ABCA2: variants seen among roughly 807,000 people sequenced by gnomAD.
ABCA2 encodes the protein ATP binding cassette subfamily A member 2, also known as ATP-binding cassette sub-family A member 2.
In ABCA2, 84 loss-of-function variants were observed where a neutral mutation model predicts 262.8. The ratio of observed to expected loss-of-function variants is 0.32; its 90% CI spans 0.27 to 0.38. The LOEUF (loss-of-function observed/expected upper bound fraction) is 0.38, where lower values mean the gene tolerates loss of function less well. Among genes scored for constraint, ABCA2 ranks in the 10% least tolerant of loss-of-function variants. The pLI is 1.00. For missense variants in ABCA2, 2,662 were observed against 3,405.9 expected, an observed-to-expected ratio of 0.78 and a Z score of 5.44; for synonymous variants, 1,696 against 1,502.9, an observed-to-expected ratio of 1.13 and a Z score of -2.97.
At chr9:137,009,322 C>A (rs1222718919) in intron 45 of ABCA2, 48 bp downstream of exon 45, 3 of 1,170,462 alleles carry the variant, frequency 2.6e-6, no homozygotes, top group East Asian at 2.7e-5. Flanking sequence ...TGCCTGGCCG[C>A]CCCCCCCGGG....
At chr9:137,018,426 C>T (rs1333922954) in intron 13 of ABCA2, 75 bp from the exon 14 acceptor site, 4 of 43,956 alleles carry the variant, frequency 9.1e-5, no homozygotes, top group South Asian at 5.9e-4. Context: ...AAGCAAGGCA[C>T]GGGGGCGGGG....
rs1340697535 is a variant in ABCA2, at chr9:137,014,208, G to A, written c.4200C>T (p.Leu1400=). 6.2e-7 allele frequency: 1 copy of A among 1,609,586 alleles called. No homozygotes were observed. The highest frequency in any genetic ancestry group is 8.5e-7 in the Non-Finnish European group (1 of 1,178,482). ...TGTCTGGGTCCTGTGGGTTATCAAA[G>A]AGGGGGCGGTAGTCGCCATAGACGT... is the stretch of plus-strand genomic sequence containing the variant. ...YTDVYGDYRP[L]FDNPQDPDNV... The change falls in exon 27 of 49, where the codon CTC becomes CTT. Residue 1400 remains leucine, a synonymous_variant. Coordinates refer to ENST00000341511, the MANE Select transcript of ABCA2 (RefSeq NM_001606.5).
chr9:137,015,239 G>A (rs545434550), intron 24 of ABCA2, 142 bp from the exon 25 acceptor site: 43 of 1,208,374 alleles, frequency 3.6e-5, no homozygotes, highest in East Asian at 2.0e-4. Context: ...AGGGGGTGAC[G>A]CTGAGGACCC....
chr9:137,021,813 C>A lies in ABCA2; in HGVS notation c.678+78G>T. 7.1e-7 allele frequency: 1 copy of A among 1,407,170 alleles called. No individual in the cohort carries two copies. The highest frequency in any genetic ancestry group is 9.8e-7 in the Non-Finnish European group (1 of 1,018,408). The allele number at this position is 1,407,170 out of a possible 1,614,324, so 87.2% of individuals were successfully genotyped here. On this transcript the variant is annotated intron_variant, in intron 7 of 48. Transcript: ENST00000341511. This position sits in a 1 kb window ranked among gnomAD's most constrained non-coding sequence, Gnocchi z 6.0. The stretch of plus-strand genomic sequence containing the variant: ...GGAGCTCCAAGTCACCAAAGGGGCC[C>A]TTTCCTCACCCACGGAGCAGAAGCA...
At chr9:137,028,717 C>T (rs746114879), upstream of ABCA2, 40 of 1,257,826 alleles carry the variant, frequency 3.2e-5, no homozygotes, top group Admixed American at 3.3e-5. This position sits in a 1 kb window ranked among gnomAD's most constrained non-coding sequence, Gnocchi z 6.9. Context: ...TGGTGCCCAC[C>T]TGGAAGGGAG....
At chr9:137,018,619 G>A (rs1462272143) in intron 13 of ABCA2, 100 bp downstream of exon 13, 1 of 1,027,280 alleles carries the variant, frequency 9.7e-7, no homozygotes, top group Non-Finnish European at 1.4e-6. Flanking sequence ...GAAGGCCAGG[G>A]CGCGGCCAAG....
chr9:137,017,350 G>A lies in ABCA2; in HGVS notation c.2403-4C>T, dbSNP rs756803312. ...GTACAGCACAGACACCAGGAAGCTG[G>A]GTGGGCAGGGGCCACGCGCACCGTC... is the stretch of plus-strand genomic sequence containing the variant. On this transcript the variant is annotated splice_polypyrimidine_tract_variant and splice_region_variant and intron_variant, in intron 17 of 48. Coordinates refer to ENST00000341511, the MANE Select transcript of ABCA2 (RefSeq NM_001606.5). 2 of 1,612,308 alleles carry A rather than the reference G, an allele frequency of 1.2e-6. No individual in the cohort carries two copies. The highest frequency in any genetic ancestry group is 2.2e-5 in the South Asian group (2 of 91,074).
Position 137,016,409 on chromosome 9 carries a change from G to A in ABCA2, c.2986C>T (p.Leu996Phe), listed in dbSNP as rs1450818222. Residue 996 changes from leucine to phenylalanine, a missense_variant, in exon 21 of 49, where the codon CTC becomes TTC. Around this residue, in one of 12 missense-constraint regions of ABCA2, gnomAD observed 133 missense variants for 150.8 expected, o/e 0.88. Coordinates refer to ENST00000341511, the MANE Select transcript of ABCA2 (RefSeq NM_001606.5). ...HLPLVVCVDK[L>F]TKVYKDDKKL... ...TTGTCGTCCTTGTAGACCTTGGTGA[G>A]TTTGTCCACGCAGACAACCAGAGGC... is the stretch of plus-strand genomic sequence containing the variant. 1 of 1,612,882 alleles carries A rather than the reference G, an allele frequency of 6.2e-7. No homozygotes were observed. Among genetic ancestry groups the A allele is most frequent in the Admixed American group, 1.7e-5 (1 of 60,020 alleles).
Position 137,012,384 on chromosome 9 carries a change from AG to A in ABCA2, c.5188-9del, listed in dbSNP as rs747434287. 1.2e-6 allele frequency: 2 copies of A among 1,611,446 alleles called. No individual in the cohort carries two copies. Among genetic ancestry groups the A allele is most frequent in the Non-Finnish European group, 1.7e-6 (2 of 1,179,042 alleles). Reference sequence around the variant, plus strand: ...CTTGTTGTTGTAGAAAACCTGCAGAAGGAAGAGGACACAGAAAGGCCCCAGG... The same window carrying A: ...CTTGTTGTTGTAGAAAACCTGCAGAAGAAGAGGACACAGAAAGGCCCCAGG... On this transcript the variant is annotated splice_polypyrimidine_tract_variant and intron_variant, in intron 32 of 48. Transcript: ENST00000341511.
rs750539171 is a variant in ABCA2, at chr9:137,011,740, G to A, written c.5545C>T (p.Leu1849=). 4 of 1,551,600 alleles carry A rather than the reference G, an allele frequency of 2.6e-6. No homozygotes were observed. In the African/African-American group the frequency reaches 5.5e-5, roughly 21 times the overall value. The change falls in exon 36 of 49, where the codon CTG becomes TTG. Residue 1849 remains leucine, a synonymous_variant. Transcript: ENST00000341511. This position sits in a 1 kb window ranked among gnomAD's most constrained non-coding sequence, Gnocchi z 8.8. ...ATGACACAGCAGGTAGCGGGGACCAGGTAGTTGAGCTGCAGGGGTGGGGGC... is the reference window on the plus strand; with the variant it reads ...ATGACACAGCAGGTAGCGGGGACCAAGTAGTTGAGCTGCAGGGGTGGGGGC... ...ANYVWDMLNY[L]VPATCCVIIL...
chr9:137,026,302 C>G (rs960597811), intron 1 of ABCA2, among the ~76,000 whole-genome samples: 9 of 152,318 alleles, frequency 5.9e-5, no homozygotes, highest in African/African-American at 2.2e-4. Flanking sequence ...GGAGCTCTGC[C>G]CAGGGTGCAC....
rs745899324 is a variant in ABCA2 at position 137,017,494 on chromosome 9, G to A, written c.2402+8C>T. 61 of 1,604,702 alleles carry A rather than the reference G, an allele frequency of 3.8e-5. No homozygotes were observed. Among genetic ancestry groups the A allele is most frequent in the South Asian group, 7.7e-5 (7 of 90,788 alleles). ...CCCCAGGTCCCTCCTACCATGGCCC[G>A]CGCTCACCAGAACATGATGGTGGCC... On this transcript the variant is annotated splice_region_variant and intron_variant, in intron 17 of 48. Transcript: ENST00000341511.
intron 45 of ABCA2, 101 bp downstream of exon 45, chr9:137,009,269 A>G (rs1588505443): frequency 7.0e-6 from 2 of 287,090 alleles, no homozygotes; most frequent in Middle Eastern, 2.2e-3. Flanking sequence ...CCCTGGCCCC[A>G]CAGCCCTCAC....
At position 137,022,470 on chromosome 9, in the gene ABCA2, A is replaced by G; in HGVS notation, c.448T>C (p.Phe150Leu). The change falls in exon 6 of 49, where the codon TTC becomes CTC. Residue 150 changes from phenylalanine (F) to leucine (L), a missense_variant. This residue lies in a region of ABCA2 where 403 missense variants were observed against 375.9 expected (regional missense o/e 1.07). Transcript: ENST00000341511. ...SHLDRSTVSS[F>L]SLDSVARNPQ... ...TTTCTGGCCACCGAGTCCAGAGAGA[A>G]GGAAGACACTGGACAGGCAGGAAGG... is the stretch of plus-strand genomic sequence containing the variant. 2 of 1,611,688 alleles carry G rather than the reference A, an allele frequency of 1.2e-6. No individual in the cohort carries two copies. Among genetic ancestry groups the G allele is most frequent in the Non-Finnish European group, 1.7e-6 (2 of 1,179,634 alleles).
chr9:137,017,944 A>T (rs918017967), intron 15 of ABCA2, 29 bp downstream of exon 15: 1 of 1,612,192 alleles, frequency 6.2e-7, no homozygotes, highest in Non-Finnish European at 8.5e-7. Flanking sequence ...CCCCAGCCCC[A>T]GCCCCAGCCC....
At position 137,011,703 on chromosome 9, in the gene ABCA2, A is replaced by G; in HGVS notation, c.5582T>C (p.Val1861Ala). Residue 1861 changes from valine (V) to alanine (A), a missense_variant, in exon 36 of 49, where the codon GTG becomes GCG. By Grantham distance (64) the Val-to-Ala change is moderately conservative. This residue lies in a region of ABCA2 where 602 missense variants were observed against 897.4 expected (regional missense o/e 0.67). Transcript: ENST00000341511. This position sits in a 1 kb window ranked among gnomAD's most constrained non-coding sequence, Gnocchi z 8.8. ...CGACGTGTAGGCCGGCAGGTCGAAC[A>G]CAAACAGGATGATGACACAGCAGGT... ...PATCCVIILF[V>A]FDLPAYTSPT... The G allele has an allele frequency of 6.4e-7, 1 of 1,554,088 alleles. No individual in the cohort carries two copies. The highest frequency in any genetic ancestry group is 8.7e-7 in the Non-Finnish European group (1 of 1,149,386).
At position 137,017,724 on chromosome 9, in the gene ABCA2, C is replaced by T. The variant is rs755219492; in HGVS notation, c.2212-32G>A. 1.9e-6 allele frequency: 3 copies of T among 1,609,290 alleles called. No individual in the cohort carries two copies. The Admixed American group carries it at 5.0e-5, about 27-fold the overall frequency. On this transcript the variant is annotated intron_variant, in intron 16 of 48. Transcript: ENST00000341511. ...GTGGGCCAGGGGCTTGGGGCAGGCC[C>T]CGGGGAGGACGCCGCCCCTCCCTGC...
Position 137,014,012 on chromosome 9 carries a change from C to A in ABCA2, c.4267G>T (p.Val1423Phe), listed in dbSNP as rs147917446. Residue 1423 changes from valine (V) to phenylalanine (F), a missense_variant, in exon 28 of 49, where the codon GTC becomes TTC. By Grantham distance (50) the Val-to-Phe change is conservative. Around this residue, in one of 12 missense-constraint regions of ABCA2, gnomAD observed 297 missense variants for 286.5 expected, o/e 1.04. Transcript: ENST00000341511. ...TCCAGCTTGCGGCTGCCCTGGCCGA[C>A]CCTCGACAGGGCCTCTGCCTCCACC... is the stretch of plus-strand genomic sequence containing the variant. ...QEVEAEALSR[V>F]GQGSRKLDGG... is the part of the protein sequence containing the mutation. 0.011 allele frequency: 17,294 copies of A among 1,611,640 alleles called. 113 individuals carry two copies. Among genetic ancestry groups the A allele is most frequent in the Admixed American group, 0.013 (762 of 59,986 alleles).
At position 137,016,365 on chromosome 9, in the gene ABCA2, C is replaced by G. The variant is rs757712028; in HGVS notation, c.3030G>C (p.Lys1010Asn). 2 of 1,612,938 alleles carry G rather than the reference C, an allele frequency of 1.2e-6. No homozygotes were observed. Among genetic ancestry groups the G allele is most frequent in the Non-Finnish European group, 8.5e-7 (1 of 1,179,994 alleles). ...YKDDKKLALN[K>N]LSLNLYENQV... ...GGTTCTCGTAGAGGTTCAGGCTCAG[C>G]TTGTTCAGGGCCAGCTTCTTGTCGT... Residue 1010 changes from lysine (K) to asparagine (N), a missense_variant, in exon 21 of 49, where the codon AAG (lysine) becomes AAC (asparagine). Coordinates refer to ENST00000341511, the MANE Select transcript of ABCA2 (RefSeq NM_001606.5).
Sources: allele counts gnomAD v4.1 joint callset (sites outside exome capture counted in the v4.1 genomes callset), GRCh38; gene constraint gnomAD v4.1.1; regional missense constraint gnomAD v4.1.1; non-coding constraint Gnocchi (gnomAD v3.1); transcripts MANE v1.5; gene names NCBI Gene and HGNC (gene_info 2026-07-23, HGNC 2026-07-21).